The following SLC8A1 variants were observed in gnomAD, a reference collection of about 807,000 sequenced individuals.
The protein encoded by SLC8A1 is sodium/calcium exchanger 1.
SLC8A1 carries 18 observed loss-of-function variants against 68.3 expected under a neutral mutation model. The ratio of observed to expected loss-of-function variants is 0.26; its 90% confidence interval spans 0.18 to 0.39. SLC8A1 has a LOEUF of 0.39. Ranked by LOEUF, SLC8A1 falls within the 10% of genes least tolerant of loss-of-function variation. SLC8A1 has a pLI of 1.00. For synonymous variants in SLC8A1, 475 were observed against 415.5 expected, an observed-to-expected ratio of 1.14 and a Z score of -1.74; for missense variants, 985 against 1,156.7, an observed-to-expected ratio of 0.85 and a Z score of 2.15.
At chr2:40,283,049 A>C (rs930018400) in intron 2 of SLC8A1, among the ~76,000 whole-genome samples, 5 of 152,254 alleles carry the variant, frequency 3.3e-5, no homozygotes, top group South Asian at 2.1e-4. Flanking sequence ...TTATCAAGCC[A>C]CAAATTTTAC....
At chr2:40,356,209 C>G (rs1275427847) in intron 2 of SLC8A1, among the ~76,000 whole-genome samples, 2 of 152,160 alleles carry the variant, frequency 1.3e-5, no homozygotes, top group Non-Finnish European at 2.9e-5. Context: ...TACATGCCTG[C>G]CTCCCTCCTT....
chr2:40,373,255 CT>C (rs1437554303), intron 2 of SLC8A1, among the ~76,000 whole-genome samples: 1 of 152,046 alleles, frequency 6.6e-6, no homozygotes, highest in Non-Finnish European at 1.5e-5. Context: ...GATTCTATCT[CT>C]TTACTAATAT....
intron 2 of SLC8A1, among the ~76,000 whole-genome samples, chr2:40,406,853 G>A (rs1410568238): frequency 1.3e-5 from 2 of 152,134 alleles, no homozygotes; most frequent in African/African-American, 2.4e-5. Flanking sequence ...GATTGAAACC[G>A]TATATGATAT....
chr2:40,441,942 C>G (rs1700562159), intron 1 of SLC8A1, among the ~76,000 whole-genome samples: 1 of 150,338 alleles, frequency 6.7e-6, no homozygotes, highest in African/African-American at 2.4e-5. Flanking sequence ...CAAAGAGCTT[C>G]TGCATAGCAA....
At chr2:40,210,291 C>G (rs1184417099) in intron 2 of SLC8A1, among the ~76,000 whole-genome samples, 1 of 152,094 alleles carries the variant, frequency 6.6e-6, no homozygotes, top group Non-Finnish European at 1.5e-5. Flanking sequence ...GAAACAAGAG[C>G]TTTATTAACA....
chr2:40,361,464 CT>C (rs60746878), intron 2 of SLC8A1, among the ~76,000 whole-genome samples: 54,558 of 146,710 alleles, frequency 0.37, 9,963 homozygotes, highest in Non-Finnish European at 0.43. Flanking sequence ...CTGAAGGAGC[CT>C]TTTTTTTTTT....
chr2:40,397,593 C>G (rs532505321), intron 2 of SLC8A1, among the ~76,000 whole-genome samples: 5 of 152,232 alleles, frequency 3.3e-5, no homozygotes, highest in Middle Eastern at 6.8e-3. Context: ...CGAGCCTGAC[C>G]GTTCCAGATC....
intron 1 of SLC8A1, among the ~76,000 whole-genome samples, chr2:40,482,189 C>G (rs577866315): frequency 6.6e-6 from 1 of 152,122 alleles, no homozygotes; most frequent in Non-Finnish European, 1.5e-5. Context: ...ATTTTAAAAA[C>G]GAATGTCCCA....
intron 1 of SLC8A1, among the ~76,000 whole-genome samples, chr2:40,492,359 A>G (rs192378299): frequency 0.052 from 7,873 of 152,244 alleles, 274 homozygotes; most frequent in South Asian, 0.1. Flanking sequence ...TGGATTAAAG[A>G]CTTAAATGTT....
At chr2:40,266,096 G>A (rs940908767) in intron 2 of SLC8A1, among the ~76,000 whole-genome samples, 1 of 152,168 alleles carries the variant, frequency 6.6e-6, no homozygotes, top group Non-Finnish European at 1.5e-5. Flanking sequence ...AGAAGACTGA[G>A]TTTAAAAATT....
At chr2:40,139,309 T>G in intron 7 of SLC8A1, 92 bp downstream of exon 10, 1 of 1,440,554 alleles carries the variant, frequency 6.9e-7, no homozygotes, top group Non-Finnish European at 9.5e-7. Context: ...CTTGGTTTGT[T>G]ATCACAGCCC....
chr2:40,355,823 A>T (rs1469461926), intron 2 of SLC8A1, among the ~76,000 whole-genome samples: 2 of 152,184 alleles, frequency 1.3e-5, no homozygotes, highest in African/African-American at 4.8e-5. Context: ...GTGCCATTTT[A>T]CAACAACAGA....
At chr2:40,432,602 G>C (rs1366025007) in intron 1 of SLC8A1, among the ~76,000 whole-genome samples, 6 of 151,702 alleles carry the variant, frequency 4.0e-5, no homozygotes, top group Non-Finnish European at 7.4e-5. Flanking sequence ...ATCATGCTTG[G>C]CACAGTCTAA....
At chr2:40,287,488 A>G (rs1276260729) in intron 2 of SLC8A1, among the ~76,000 whole-genome samples, 1 of 152,082 alleles carries the variant, frequency 6.6e-6, no homozygotes, top group Non-Finnish European at 1.5e-5. Context: ...TCCAATAAGA[A>G]TAATATCTGG....
chr2:40,205,273 G>A (rs671010), intron 2 of SLC8A1, among the ~76,000 whole-genome samples: 118,677 of 151,580 alleles, frequency 0.78, 47,104 homozygotes, highest in Middle Eastern at 0.84. Context: ...TAAAAACATC[G>A]TTTATAAGTC....
intron 2 of SLC8A1, among the ~76,000 whole-genome samples, chr2:40,200,249 T>TATAAATATATATATATATAA (rs1553408010): frequency 7.4e-5 from 2 of 26,980 alleles, no homozygotes; most frequent in African/African-American, 1.8e-4. Context: ...AATATATATA[T>TATAAATATATATATATATAA]ATATATATAT....
rs573799367 is a variant in SLC8A1 at position 40,259,770 on chromosome 2, T to C, written c.1809-81915A>G. On this transcript the variant is annotated intron_variant, in intron 2 of 7. Coordinates refer to ENST00000406785, the Ensembl canonical transcript of SLC8A1. ...GGTTTATTTTGATTTTTTAAAACAA[T>C]AGTCTTTTTACTCAAACTTTGGCAA... Among the ~76,000 whole-genome samples, 139 of 152,350 alleles carry C rather than the reference T, an allele frequency of 9.1e-4. 1 individual carries two copies. Among genetic ancestry groups the C allele is most frequent in the African/African-American group, 2.7e-3 (112 of 41,592 alleles).
intron 2 of SLC8A1, among the ~76,000 whole-genome samples, chr2:40,185,939 A>G (rs572196084): frequency 6.6e-6 from 1 of 152,286 alleles, no homozygotes; most frequent in Admixed American, 6.5e-5. Context: ...TTTCATTTAC[A>G]TGAAAGCTAA....
chr2:40,312,844 G>T (rs2073911236), intron 2 of SLC8A1, among the ~76,000 whole-genome samples: 1 of 152,106 alleles, frequency 6.6e-6, no homozygotes, highest in Non-Finnish European at 1.5e-5. Context: ...ATGTTCTAGA[G>T]ATCGATTGTT....
Sources: gnomAD v4.1 joint callset for allele counts (sites outside exome capture counted in the v4.1 genomes callset) on GRCh38, gnomAD v4.1.1 for gene constraint, MANE v1.5 for transcripts, NCBI Gene and HGNC (gene_info 2026-07-23, HGNC 2026-07-21) for gene names.